LRCH1: variants seen among roughly 807,000 people sequenced by gnomAD.
LRCH1 encodes leucine-rich repeat and calponin homology domain-containing protein 1.
A neutral mutation model predicts 94.9 loss-of-function variants in LRCH1; 23 were observed. That is an observed-to-expected ratio of 0.24 (90% CI 0.17 to 0.34). The LOEUF is 0.34. Ranked by LOEUF, LRCH1 falls within the 10% of genes least tolerant of loss-of-function variation. LRCH1 has a pLI of 1.00. For synonymous variants in LRCH1, 364 were observed against 354.9 expected, an observed-to-expected ratio of 1.03 and a Z score of -0.29; for missense variants, 790 against 945.9, an observed-to-expected ratio of 0.84 and a Z score of 2.16.
At chr13:46,729,107 C>A in intron 18 of LRCH1, 123 bp downstream of exon 18, 1 of 884,544 alleles carries the variant, frequency 1.1e-6, no homozygotes, top group Non-Finnish European at 1.6e-6. Context: ...GGGCCCCAAA[C>A]CATTATAAGG....
intron 15 of LRCH1, among the ~76,000 whole-genome samples, 177 bp from the exon 16 acceptor site, chr13:46,715,383 A>G (rs1872268382): frequency 6.6e-6 from 1 of 152,122 alleles, no homozygotes; most frequent in South Asian, 2.1e-4. Context: ...TTTTTATTCC[A>G]TGCACCATCT....
At chr13:46,580,596 T>A (rs1044770951) in intron 1 of LRCH1, among the ~76,000 whole-genome samples, 1 of 152,236 alleles carries the variant, frequency 6.6e-6, no homozygotes, top group East Asian at 1.9e-4. Flanking sequence ...ACCAATTGAT[T>A]CACCTTTTGT....
At chr13:46,581,378 A>T (rs2050363078) in intron 1 of LRCH1, among the ~76,000 whole-genome samples, 1 of 152,202 alleles carries the variant, frequency 6.6e-6, no homozygotes. Context: ...AAATAAATTC[A>T]AAACAACAAC....
At chr13:46,602,473 A>G (rs560423302) in intron 1 of LRCH1, among the ~76,000 whole-genome samples, 8 of 152,216 alleles carry the variant, frequency 5.3e-5, no homozygotes, top group Non-Finnish European at 1.0e-4. Context: ...TGTAGTCTAG[A>G]AAAAGCTATT....
At position 46,686,054 on chromosome 13, in the gene LRCH1, G is replaced by T. The variant is rs1457652520; in HGVS notation, c.822+13G>T. The T allele has an allele frequency of 3.9e-6, 6 of 1,539,864 alleles. No homozygotes were observed. The highest frequency in any genetic ancestry group is 5.2e-6 in the Non-Finnish European group (6 of 1,147,222). On this transcript the variant is annotated intron_variant, in intron 5 of 19. Coordinates refer to ENST00000389797, the MANE Select transcript of LRCH1 (RefSeq NM_001164211.2). ...TCCTCCAGCACAGGTGAGGGGTCTTGCAGCAAAGCCAATGCCCCATGGGAT... is the reference window on the plus strand; with the variant it reads ...TCCTCCAGCACAGGTGAGGGGTCTTTCAGCAAAGCCAATGCCCCATGGGAT...
chr13:46,654,074 C>A (rs554552848), intron 2 of LRCH1, among the ~76,000 whole-genome samples: 1 of 152,332 alleles, frequency 6.6e-6, no homozygotes, highest in East Asian at 1.9e-4. Flanking sequence ...GTGACTGTCA[C>A]ATTTGTTTAC....
chr13:46,659,383 G>A (rs1364582698), intron 2 of LRCH1, among the ~76,000 whole-genome samples: 2 of 152,016 alleles, frequency 1.3e-5, no homozygotes, highest in African/African-American at 4.8e-5. Flanking sequence ...ATTTGAGACA[G>A]GGTTTCACCA....
At chr13:46,689,486 A>G (rs969154285) in intron 7 of LRCH1, among the ~76,000 whole-genome samples, 2 of 152,168 alleles carry the variant, frequency 1.3e-5, no homozygotes, top group African/African-American at 4.8e-5. Flanking sequence ...TGAGTGCTCA[A>G]TAAATATTAC....
At chr13:46,745,777 G>A (rs1015314755), downstream of LRCH1, among the ~76,000 whole-genome samples, 9 of 152,198 alleles carry the variant, frequency 5.9e-5, no homozygotes, top group African/African-American at 2.2e-4. Context: ...GAAATATGCT[G>A]GTGGGATGAT....
chr13:46,673,143 G>A (rs2051623470), intron 3 of LRCH1, among the ~76,000 whole-genome samples: 1 of 151,854 alleles, frequency 6.6e-6, no homozygotes, highest in Admixed American at 6.6e-5. Flanking sequence ...TTTTTTTCAT[G>A]CTAAGTCTTT....
intron 1 of LRCH1, among the ~76,000 whole-genome samples, chr13:46,571,499 A>AAGC (rs1353310000): frequency 6.6e-6 from 1 of 152,184 alleles, no homozygotes; most frequent in East Asian, 1.9e-4. Flanking sequence ...GGTTTTCTCG[A>AAGC]AGCGGGCTAG....
intron 17 of LRCH1, among the ~76,000 whole-genome samples, chr13:46,723,571 C>A (rs1872683957): frequency 6.6e-6 from 1 of 152,114 alleles, no homozygotes; most frequent in African/African-American, 2.4e-5. Flanking sequence ...GAGGTAGAGG[C>A]AGGCTGATCA....
chr13:46,640,511 A>C (rs938425700), intron 1 of LRCH1, among the ~76,000 whole-genome samples: 1 of 152,204 alleles, frequency 6.6e-6, no homozygotes, highest in African/African-American at 2.4e-5. Context: ...GACAGTGCCC[A>C]TCTTGGGCTG....
At chr13:46,729,593 TTGAC>T (rs1321910845) in intron 18 of LRCH1, among the ~76,000 whole-genome samples, 1 of 151,696 alleles carries the variant, frequency 6.6e-6, no homozygotes, top group East Asian at 1.9e-4. Context: ...AAATTACTGA[TTGAC>T]TGATGATCAA....
At chr13:46,581,209 T>C (rs941307810) in intron 1 of LRCH1, among the ~76,000 whole-genome samples, 1 of 152,196 alleles carries the variant, frequency 6.6e-6, no homozygotes, top group Non-Finnish European at 1.5e-5. Flanking sequence ...ATTTCTTTCA[T>C]TGCCTGGATG....
intron 19 of LRCH1, among the ~76,000 whole-genome samples, chr13:46,741,121 C>T (rs1260949148): frequency 1.3e-4 from 19 of 151,170 alleles, no homozygotes; most frequent in Admixed American, 6.6e-5. Context: ...GTTTATCAAG[C>T]GTAAAATGAA....
At chr13:46,696,212 AC>A (rs1566232911) in intron 9 of LRCH1, among the ~76,000 whole-genome samples, 18 of 151,440 alleles carry the variant, frequency 1.2e-4, no homozygotes, top group Admixed American at 4.6e-4. Flanking sequence ...ACACACACAC[AC>A]ACACACACAC....
chr13:46,649,838 A>T (rs1033384578), intron 1 of LRCH1, among the ~76,000 whole-genome samples: 1 of 152,078 alleles, frequency 6.6e-6, no homozygotes, highest in Non-Finnish European at 1.5e-5. Context: ...CAAAAAAAAA[A>T]AAAAAATTGA....
chr13:46,706,723 A>G (rs1871780444), intron 13 of LRCH1, among the ~76,000 whole-genome samples: 1 of 150,906 alleles, frequency 6.6e-6, no homozygotes, highest in Admixed American at 6.6e-5. Context: ...TGTAATAATA[A>G]TTTTAAACAT....
Sources: gnomAD v4.1 joint callset for allele counts (sites outside exome capture counted in the v4.1 genomes callset) on GRCh38, gnomAD v4.1.1 for gene constraint, MANE v1.5 for transcripts, NCBI Gene and HGNC (gene_info 2026-07-23, HGNC 2026-07-21) for gene names.